HSPA12A: variants seen among roughly 807,000 people sequenced by gnomAD.
HSPA12A encodes heat shock protein family A (Hsp70) member 12A, also known as heat shock 70 kDa protein 12A.
HSPA12A carries 28 observed loss-of-function variants against 69.2 expected under a neutral mutation model. That is an observed-to-expected ratio of 0.40 (90% confidence interval 0.30 to 0.55). The LOEUF (loss-of-function observed/expected upper bound fraction) is 0.55, where lower values mean the gene tolerates loss of function less well. Among genes scored for constraint, HSPA12A ranks in the 20% least tolerant of loss-of-function variants. The probability of loss-of-function intolerance (pLI) is 0.38; values close to 1 mark genes in which losing one functional copy is unlikely to be tolerated. For missense variants in HSPA12A, 686 were observed against 900.7 expected (o/e 0.76, Z 3.05); for synonymous variants, 345 against 370.5 (o/e 0.93, Z 0.79).
chr10:116,831,449 G>A (rs1845612981), intron 2 of HSPA12A: 2 of 152,206 alleles, frequency 1.3e-5, no homozygotes, highest in South Asian at 4.1e-4. Context: ...TCCGGAGGAC[G>A]GTCAGCAGAT....
In HSPA12A at chr10:116,793,457, G is replaced by A. The variant is rs987054949; in HGVS notation, c.91+41478C>T. Among the ~76,000 whole-genome samples the A allele has an allele frequency of 9.9e-5, 15 of 152,160 alleles. 1 individual carries two copies. The highest frequency in any genetic ancestry group is 1.9e-4 in the Non-Finnish European group (13 of 68,038). ...ATAGTGGTATGCACCTGTAGTACCA[G>A]CTATTCAGGAAGGTGGGGTGGGAGG... On this transcript the variant is annotated intron_variant, in intron 2 of 12. Coordinates refer to the HSPA12A transcript ENST00000635765.
chr10:116,796,145 C>CAAAA (rs10522145), intron 2 of HSPA12A, among the ~76,000 whole-genome samples: 49 of 110,662 alleles, frequency 4.4e-4, no homozygotes, highest in East Asian at 8.7e-4. Context: ...AAGACTCCAT[C>CAAAA]AAAAAAAAAA....
chr10:116,813,750 G>A (rs1185327627), intron 2 of HSPA12A, among the ~76,000 whole-genome samples: 1 of 152,074 alleles, frequency 6.6e-6, no homozygotes, highest in Non-Finnish European at 1.5e-5. Context: ...TGGGCATGGT[G>A]ATGAGCACCT....
chr10:116,847,925 AGAAG>A (rs1214037238), intron 1 of HSPA12A, among the ~76,000 whole-genome samples: 1 of 152,200 alleles, frequency 6.6e-6, no homozygotes, highest in Non-Finnish European at 1.5e-5. Context: ...GAAAGAGTTC[AGAAG>A]GAAGGGCTGG....
intron 1 of HSPA12A, among the ~76,000 whole-genome samples, chr10:116,738,202 C>A (rs1851372718): frequency 6.6e-6 from 1 of 152,158 alleles, no homozygotes. Flanking sequence ...TTGTCCAAGC[C>A]CTGCCTGACT....
intron 2 of HSPA12A, among the ~76,000 whole-genome samples, chr10:116,705,680 G>A (rs1850221555): frequency 6.6e-6 from 1 of 152,206 alleles, no homozygotes; most frequent in Admixed American, 6.5e-5. Flanking sequence ...CCACTGCCAG[G>A]AGCATTTCGC....
intron 1 of HSPA12A, among the ~76,000 whole-genome samples, chr10:116,722,287 G>A (rs997244381): frequency 6.6e-6 from 1 of 152,224 alleles, no homozygotes; most frequent in Non-Finnish European, 1.5e-5. Flanking sequence ...CAGAGCCCAA[G>A]ATGTCTGTGC....
intron 1 of HSPA12A, among the ~76,000 whole-genome samples, chr10:116,738,196 C>T (rs981106660): frequency 2.0e-5 from 3 of 152,184 alleles, no homozygotes; most frequent in African/African-American, 7.2e-5. Context: ...CTGAGATTGT[C>T]CAAGCCCTGC....
At chr10:116,750,876 G>A (rs1851761725) in intron 2 of HSPA12A, among the ~76,000 whole-genome samples, 1 of 152,108 alleles carries the variant, frequency 6.6e-6, no homozygotes. Flanking sequence ...GAGAGGCTGA[G>A]GTGGGAGGAT....
chr10:116,849,513 G>C, intron 1 of HSPA12A: 2 of 1,453,680 alleles, frequency 1.4e-6, no homozygotes, highest in Non-Finnish European at 1.8e-6. Context: ...AGCGACAGCA[G>C]GGACGCTCGT....
intron 2 of HSPA12A, among the ~76,000 whole-genome samples, chr10:116,822,245 G>C (rs930682398): frequency 6.6e-6 from 1 of 152,230 alleles, no homozygotes. Context: ...ATAAGCTTTG[G>C]GTTCTAGTCT....
intron 2 of HSPA12A, among the ~76,000 whole-genome samples, chr10:116,783,599 C>T (rs1177456323): frequency 2.6e-5 from 4 of 152,222 alleles, no homozygotes; most frequent in Non-Finnish European, 4.4e-5. Context: ...AGTTTTGTAA[C>T]ACATAAACTG....
intron 2 of HSPA12A, among the ~76,000 whole-genome samples, chr10:116,819,712 A>G (rs1195623316): frequency 6.6e-6 from 1 of 152,216 alleles, no homozygotes; most frequent in East Asian, 1.9e-4. Context: ...GGTAAGACTG[A>G]TTCAGAGAAT....
intron 1 of HSPA12A, among the ~76,000 whole-genome samples, 171 bp from the exon 2 acceptor site, chr10:116,707,456 C>T (rs1309657504): frequency 5.3e-5 from 8 of 152,214 alleles, no homozygotes; most frequent in Admixed American, 2.6e-4. Flanking sequence ...TCCGTTCCAG[C>T]ACCTCTTTGC....
At chr10:116,825,131 G>A (rs985121278) in intron 2 of HSPA12A, among the ~76,000 whole-genome samples, 1 of 151,064 alleles carries the variant, frequency 6.6e-6, no homozygotes, top group African/African-American at 2.4e-5. Flanking sequence ...AAGCTGCAGC[G>A]AGCTGTGATT....
intron 2 of HSPA12A, among the ~76,000 whole-genome samples, chr10:116,749,211 T>C (rs1851718185): frequency 6.6e-6 from 1 of 152,234 alleles, no homozygotes; most frequent in African/African-American, 2.4e-5. Flanking sequence ...CGAATGACTT[T>C]AAATGGCTTT....
intron 2 of HSPA12A, among the ~76,000 whole-genome samples, chr10:116,795,339 T>C (rs187245749): frequency 1.3e-5 from 2 of 152,320 alleles, no homozygotes; most frequent in Admixed American, 6.5e-5. Context: ...TGACAGGTAA[T>C]GTAGTTTTAC....
intron 1 of HSPA12A, among the ~76,000 whole-genome samples, chr10:116,728,494 G>T (rs1337821593): frequency 5.9e-5 from 9 of 152,158 alleles, no homozygotes. Flanking sequence ...GTGCAAACCT[G>T]GTACACAGTC....
intron 2 of HSPA12A, among the ~76,000 whole-genome samples, chr10:116,808,579 G>A (rs1420760808): frequency 5.9e-5 from 9 of 152,074 alleles, no homozygotes; most frequent in Non-Finnish European, 1.0e-4. Flanking sequence ...TCAACACAGC[G>A]TTTCCTTAAA....
Sources: gnomAD v4.1 joint callset for allele counts (sites outside exome capture counted in the v4.1 genomes callset) on GRCh38, gnomAD v4.1.1 for gene constraint, MANE v1.5 for transcripts, NCBI Gene and HGNC (gene_info 2026-07-23, HGNC 2026-07-21) for gene names.